ANKS1B: variants seen among roughly 807,000 people sequenced by gnomAD.
The protein encoded by ANKS1B is ankyrin repeat and sterile alpha motif domain-containing protein 1B.
In ANKS1B, 36 loss-of-function variants were observed where a neutral mutation model predicts 148.3. The ratio of observed to expected loss-of-function variants is 0.24; its 90% CI spans 0.19 to 0.32. The LOEUF (loss-of-function observed/expected upper bound fraction) is 0.32. ANKS1B is among the 10% of genes least tolerant of loss of function. The pLI, the probability that ANKS1B is intolerant of heterozygous loss-of-function variation, is 1.00. For synonymous variants in ANKS1B, 542 were observed against 560.8 expected, an observed-to-expected ratio of 0.97 and a Z score of 0.47; for missense variants, 1,157 against 1,542.6, an observed-to-expected ratio of 0.75 and a Z score of 4.19.
At position 99,913,229 on chromosome 12, in the gene ANKS1B, C is replaced by G. The variant is rs572028995; in HGVS notation, c.134+70875G>C. 8.2e-4 allele frequency among the ~76,000 whole-genome samples: 125 copies of G among 152,286 alleles called. 2 individuals are homozygous for G. Among genetic ancestry groups the G allele is most frequent in the African/African-American group, 2.7e-3 (111 of 41,558 alleles). ...ACTAATTGATATTCTGCCTTATAAACTTTGCCTTGAAAGATTCCTTTGAAA... is the reference window on the plus strand; with the variant it reads ...ACTAATTGATATTCTGCCTTATAAAGTTTGCCTTGAAAGATTCCTTTGAAA... On this transcript the variant is annotated intron_variant, in intron 1 of 26. Coordinates refer to ENST00000683438, the MANE Select transcript of ANKS1B (RefSeq NM_001352186.2).
chr12:99,808,713 C>G (rs1011859938), intron 3 of ANKS1B, among the ~76,000 whole-genome samples: 1 of 152,050 alleles, frequency 6.6e-6, no homozygotes, highest in Non-Finnish European at 1.5e-5. Context: ...CCTGACCAAC[C>G]CAAATTTCCC....
intron 1 of ANKS1B, among the ~76,000 whole-genome samples, chr12:99,845,098 C>A (rs1242941461): frequency 6.6e-6 from 1 of 152,124 alleles, no homozygotes; most frequent in African/African-American, 2.4e-5. Context: ...CCTGAGACTG[C>A]TGAAGTTACT....
At chr12:99,805,326 A>G (rs986553465) in intron 4 of ANKS1B, among the ~76,000 whole-genome samples, 28 of 150,162 alleles carry the variant, frequency 1.9e-4, no homozygotes, top group Non-Finnish European at 3.4e-4. Context: ...AAGACAAGAT[A>G]TCAAAAGTAG....
At chr12:99,470,097 T>G (rs924566909) in intron 10 of ANKS1B, among the ~76,000 whole-genome samples, 1 of 151,404 alleles carries the variant, frequency 6.6e-6, no homozygotes, top group South Asian at 2.1e-4. Flanking sequence ...CCAGCCTAGG[T>G]AACAGAGACT....
At chr12:98,871,514 A>C (rs2099668895) in intron 17 of ANKS1B, among the ~76,000 whole-genome samples, 1 of 152,190 alleles carries the variant, frequency 6.6e-6, no homozygotes, top group Non-Finnish European at 1.5e-5. Flanking sequence ...GGTTCAGCTG[A>C]AAATTAGAAC....
At chr12:99,213,736 T>C (rs541034515) in intron 14 of ANKS1B, among the ~76,000 whole-genome samples, 22 of 152,354 alleles carry the variant, frequency 1.4e-4, no homozygotes, top group Admixed American at 9.8e-4. Context: ...CTTAACATTC[T>C]GTAATGGGAA....
At chr12:99,761,202 A>G (rs115140718) in intron 8 of ANKS1B, among the ~76,000 whole-genome samples, 2,470 of 151,292 alleles carry the variant, frequency 0.016, 81 homozygotes, top group African/African-American at 0.057. Context: ...TAACTCATGA[A>G]GCCGCCATCA....
chr12:98,980,667 C>T (rs903200374), intron 17 of ANKS1B, among the ~76,000 whole-genome samples: 18 of 152,128 alleles, frequency 1.2e-4, no homozygotes, highest in Admixed American at 1.2e-3. Context: ...AATGCCAGGT[C>T]ATCTGGATTT....
intron 12 of ANKS1B, among the ~76,000 whole-genome samples, chr12:99,387,160 A>G (rs2093895612): frequency 6.6e-6 from 1 of 152,178 alleles, no homozygotes; most frequent in African/African-American, 2.4e-5. Context: ...GGAGTTAAAG[A>G]AGGCTTCACA....
At chr12:99,508,171 T>C (rs1034872567) in intron 9 of ANKS1B, among the ~76,000 whole-genome samples, 5 of 151,910 alleles carry the variant, frequency 3.3e-5, no homozygotes, top group African/African-American at 9.7e-5. Flanking sequence ...AGGAGCTCAT[T>C]GTTTAAGATT....
intron 19 of ANKS1B, among the ~76,000 whole-genome samples, chr12:98,808,654 T>G (rs2099069825): frequency 6.6e-6 from 1 of 152,148 alleles, no homozygotes; most frequent in South Asian, 2.1e-4. Context: ...GATAAACTTA[T>G]CAGTAATGTT....
Position 99,060,712 on chromosome 12 carries a change from G to C in ANKS1B, c.2626-7403C>G, listed in dbSNP as rs568737885. 7.1e-3 allele frequency among the ~76,000 whole-genome samples: 1,050 copies of C among 147,322 alleles called. 18 individuals carry two copies. Among genetic ancestry groups the C allele is most frequent in the South Asian group, 0.048 (220 of 4,564 alleles). ...ACACACACACACACATATATATAGAGAGAGAGAGCCTGTCATTCCATCATT... is the reference window on the plus strand; with the variant it reads ...ACACACACACACACATATATATAGACAGAGAGAGCCTGTCATTCCATCATT... On this transcript the variant is annotated intron_variant, in intron 16 of 26. Coordinates refer to ENST00000683438, the MANE Select transcript of ANKS1B (RefSeq NM_001352186.2).
At chr12:99,342,182 C>G (rs10860421) in intron 12 of ANKS1B, among the ~76,000 whole-genome samples, 6 of 151,586 alleles carry the variant, frequency 4.0e-5, no homozygotes, top group Admixed American at 3.9e-4. Context: ...TAATTAAACG[C>G]GACTAAAAAG....
intron 9 of ANKS1B, among the ~76,000 whole-genome samples, chr12:99,624,924 G>A (rs573468390): frequency 4.9e-4 from 75 of 151,990 alleles, no homozygotes; most frequent in Middle Eastern, 3.4e-3. Flanking sequence ...TAAATTGCTC[G>A]ACCAAAAAGA....
intron 3 of ANKS1B, among the ~76,000 whole-genome samples, chr12:99,807,167 A>T (rs1055414039): frequency 1.3e-5 from 2 of 152,214 alleles, no homozygotes; most frequent in Admixed American, 6.5e-5. Flanking sequence ...ATTAAGTTTC[A>T]TTTTATTTTC....
At chr12:98,928,406 G>C (rs998566004) in intron 17 of ANKS1B, among the ~76,000 whole-genome samples, 12 of 151,906 alleles carry the variant, frequency 7.9e-5, no homozygotes, top group African/African-American at 2.7e-4. Context: ...AAATAGAAAG[G>C]GAAGGAATAC....
chr12:99,106,945 C>T (rs1400443842), intron 15 of ANKS1B, among the ~76,000 whole-genome samples: 1 of 152,078 alleles, frequency 6.6e-6, no homozygotes, highest in Admixed American at 6.6e-5. Context: ...TCCTGACTAT[C>T]TTGAGAATAA....
At chr12:98,861,563 T>C (rs2099599370) in intron 17 of ANKS1B, among the ~76,000 whole-genome samples, 1 of 152,136 alleles carries the variant, frequency 6.6e-6, no homozygotes, top group Non-Finnish European at 1.5e-5. Context: ...CAATTAACAA[T>C]GTTTGAAGAA....
chr12:99,644,748 T>C (rs1057288746), intron 9 of ANKS1B, among the ~76,000 whole-genome samples: 2 of 152,222 alleles, frequency 1.3e-5, no homozygotes, highest in African/African-American at 4.8e-5. Context: ...TCTCTCATAG[T>C]TCTCAAGGTC....
Sources: allele counts gnomAD v4.1 joint callset (sites outside exome capture counted in the v4.1 genomes callset), GRCh38; gene constraint gnomAD v4.1.1; transcripts MANE v1.5; gene names NCBI Gene and HGNC (gene_info 2026-07-23, HGNC 2026-07-21).